HEATR5A: variants seen among roughly 807,000 people sequenced by gnomAD.
HEATR5A encodes the protein HEAT repeat-containing protein 5A.
Under a neutral mutation model 218.8 loss-of-function variants are expected in HEATR5A, and 178 were observed. The observed-to-expected ratio is 0.81, with a 90% CI of 0.72 to 0.92. The LOEUF (loss-of-function observed/expected upper bound fraction) is 0.92. Among genes scored for constraint, HEATR5A ranks in the 40% least tolerant of loss-of-function variants. The pLI, the probability that HEATR5A is intolerant of heterozygous loss-of-function variation, is 0.00. For missense variants in HEATR5A, 2,420 were observed against 2,418.9 expected (o/e 1.00, Z -0.01); for synonymous variants, 864 against 871.6 (o/e 0.99, Z 0.15).
chr14:31,383,340 T>C (rs2030070467), intron 10 of HEATR5A, among the ~76,000 whole-genome samples, 181 bp downstream of exon 10: 1 of 152,228 alleles, frequency 6.6e-6, no homozygotes, highest in African/African-American at 2.4e-5. Flanking sequence ...ATATTAAGCT[T>C]AGTTATTTAA....
rs1233437054 is a variant in HEATR5A, at chr14:31,394,146, G to A, written c.678C>T (p.Ser226=). ...LDSVATLCFK[S]FEGSNYDVRI... is the part of the protein sequence containing the mutation. ...GCACATCATAATTGGAACCTTCAAAGGACTTAAAACACAGTGTGGCCACAC... is the reference window on the plus strand; with the variant it reads ...GCACATCATAATTGGAACCTTCAAAAGACTTAAAACACAGTGTGGCCACAC... The change falls in exon 6 of 36, where the codon TCC becomes TCT. Residue 226 remains serine (S), a synonymous_variant. Transcript: ENST00000543095. 2 of 1,534,628 alleles carry A rather than the reference G, an allele frequency of 1.3e-6. No homozygotes were observed. The highest frequency in any genetic ancestry group is 1.2e-5 in the South Asian group (1 of 83,900).
At chr14:31,367,579 T>TTC (rs1901851906) in intron 13 of HEATR5A, among the ~76,000 whole-genome samples, 1 of 137,006 alleles carries the variant, frequency 7.3e-6, no homozygotes, top group Admixed American at 7.4e-5. Context: ...ATTTTTTTTT[T>TTC]TTTTTTTTTT....
rs553757549 is a variant in HEATR5A, at chr14:31,358,456, G to A, written c.2411+181C>T. On this transcript the variant is annotated intron_variant, in intron 16 of 35. Coordinates refer to ENST00000543095, the MANE Select transcript of HEATR5A (RefSeq NM_015473.4). ...TATTGTATCCACAACAGTTCTAGTG[G>A]TTTTAGGCATTTAATCATTTCTTAT... 5.3e-5 allele frequency among the ~76,000 whole-genome samples: 8 copies of A among 152,294 alleles called. No homozygotes were observed. In the South Asian group the frequency reaches 1.7e-3, roughly 32 times the overall value.
intron 21 of HEATR5A, among the ~76,000 whole-genome samples, chr14:31,340,702 T>A (rs574698262): frequency 6.6e-6 from 1 of 152,360 alleles, no homozygotes; most frequent in South Asian, 2.1e-4. Flanking sequence ...GACGTAAATA[T>A]ATAATTTTAA....
intron 26 of HEATR5A, 50 bp downstream of exon 26, chr14:31,318,174 A>G: frequency 6.9e-7 from 1 of 1,455,862 alleles, no homozygotes. Context: ...TACTAACTGG[A>G]GGACTGCTTC....
At position 31,307,977 on chromosome 14, in the gene HEATR5A, G is replaced by A; in HGVS notation, c.4734C>T (p.Thr1578=). 1.2e-6 allele frequency: 2 copies of A among 1,613,680 alleles called. No individual in the cohort carries two copies. Among genetic ancestry groups the A allele is most frequent in the Non-Finnish European group, 1.7e-6 (2 of 1,179,714 alleles). Residue 1578 remains threonine (T), a synonymous_variant, in exon 30 of 36, where the codon ACC becomes ACT. Coordinates refer to ENST00000543095, the MANE Select transcript of HEATR5A (RefSeq NM_015473.4). The part of the protein sequence containing the change: ...EFLCSLRSDA[T]MESITACLHA... Reference sequence around the variant, plus strand: ...GTAAACAAGCAGTTATGCTTTCCATGGTTGCATCTGAACGTAAGGAACATA... The same window carrying A: ...GTAAACAAGCAGTTATGCTTTCCATAGTTGCATCTGAACGTAAGGAACATA...
At chr14:31,337,992 T>C (rs1900722583) in intron 21 of HEATR5A, among the ~76,000 whole-genome samples, 1 of 152,218 alleles carries the variant, frequency 6.6e-6, no homozygotes, top group Admixed American at 6.5e-5. Flanking sequence ...TGTTTTATCA[T>C]TCTCTAAGCA....
In HEATR5A at chr14:31,316,004, C is replaced by T. The variant is rs1899900139; in HGVS notation, c.4039-55G>A. The stretch of plus-strand genomic sequence containing the variant: ...TTAAAATTATAAGTATCTCCCTTGG[C>T]TGGGTGTGGTGGCTCATGCCTGTAA... On this transcript the variant is annotated intron_variant, in intron 26 of 35. Transcript: ENST00000543095. The T allele has an allele frequency of 1.2e-5, 16 of 1,381,432 alleles. No individual in the cohort carries two copies. The South Asian group carries it at 2.3e-4, about 20-fold the overall frequency. 85.6% of individuals were successfully genotyped at this position (1,381,432 alleles called of 1,614,324 possible). A position where few individuals can be genotyped will look rare whatever the true frequency, so the allele number is the denominator to read the frequency against.
intron 23 of HEATR5A, 69 bp downstream of exon 23, chr14:31,326,094 G>C: frequency 8.1e-7 from 1 of 1,228,562 alleles, no homozygotes; most frequent in Non-Finnish European, 1.2e-6. Context: ...AATTCTCAGT[G>C]GTAAACAATT....
chr14:31,314,724 C>A (rs1478222207), intron 27 of HEATR5A, among the ~76,000 whole-genome samples: 5 of 152,060 alleles, frequency 3.3e-5, no homozygotes, highest in Non-Finnish European at 5.9e-5. Context: ...TGAATCTAGG[C>A]ACAACTACTT....
At chr14:31,356,609 GTTTGC>G (rs1901436115) in intron 16 of HEATR5A, among the ~76,000 whole-genome samples, 1 of 151,962 alleles carries the variant, frequency 6.6e-6, no homozygotes, top group African/African-American at 2.4e-5. Flanking sequence ...GAATGATAGG[GTTTGC>G]TTTTATCTGT....
At chr14:31,340,844 A>G (rs1051591425) in intron 21 of HEATR5A, among the ~76,000 whole-genome samples, 1 of 152,264 alleles carries the variant, frequency 6.6e-6, no homozygotes, top group African/African-American at 2.4e-5. Context: ...GTGTCCAGCA[A>G]GAGGCAAAGT....
intron 10 of HEATR5A, among the ~76,000 whole-genome samples, chr14:31,381,112 G>A (rs1358507736): frequency 6.6e-6 from 1 of 152,128 alleles, no homozygotes; most frequent in Admixed American, 6.5e-5. Context: ...GCCGGGCGTG[G>A]TGGCACATGC....
chr14:31,382,833 C>T (rs1034569261), intron 10 of HEATR5A, among the ~76,000 whole-genome samples: 1 of 150,192 alleles, frequency 6.7e-6, no homozygotes. Flanking sequence ...TAAATCATGC[C>T]ATCTTTGATC....
intron 9 of HEATR5A, among the ~76,000 whole-genome samples, chr14:31,384,816 A>G (rs1363673799): frequency 6.6e-6 from 1 of 152,076 alleles, no homozygotes; most frequent in Non-Finnish European, 1.5e-5. Context: ...ATGAGCCACC[A>G]TGCCCAGCCT....
intron 13 of HEATR5A, among the ~76,000 whole-genome samples, chr14:31,365,371 T>C (rs529789302): frequency 6.6e-6 from 1 of 152,308 alleles, no homozygotes; most frequent in African/African-American, 2.4e-5. Context: ...TTTGTTATTT[T>C]GCTTTCCGAG....
In HEATR5A at chr14:31,391,603, C is replaced by T. The variant is rs796389215; in HGVS notation, c.772+2449G>A. On this transcript the variant is annotated intron_variant, in intron 6 of 35. Transcript: ENST00000543095. Reference sequence around the variant, plus strand: ...AAGTGTACAGTGTTTGTAACATCTACAGTAGTATACAGTAATATCCTAGGC... The same window carrying T: ...AAGTGTACAGTGTTTGTAACATCTATAGTAGTATACAGTAATATCCTAGGC... 3.3e-5 allele frequency among the ~76,000 whole-genome samples: 5 copies of T among 152,264 alleles called. 1 individual carries two copies. The highest frequency in any genetic ancestry group is 1.2e-4 in the African/African-American group (5 of 41,556).
chr14:31,389,080 C>A, intron 6 of HEATR5A, 75 bp from the exon 7 acceptor site: 2 of 1,317,350 alleles, frequency 1.5e-6, no homozygotes, highest in Non-Finnish European at 2.1e-6. Flanking sequence ...TTGCAAAAAG[C>A]ATGTTAATAG....
intron 1 of HEATR5A, among the ~76,000 whole-genome samples, chr14:31,417,045 C>A: frequency 6.6e-6 from 1 of 151,266 alleles, no homozygotes; most frequent in East Asian, 1.9e-4. Flanking sequence ...GACTCTGTCT[C>A]AAAAAATAAA....
Sources: allele counts gnomAD v4.1 joint callset (sites outside exome capture counted in the v4.1 genomes callset), GRCh38; gene constraint gnomAD v4.1.1; transcripts MANE v1.5; gene names NCBI Gene and HGNC (gene_info 2026-07-23, HGNC 2026-07-21).